UGT8: variants seen among roughly 807,000 people sequenced by gnomAD.
UGT8 encodes 2-hydroxyacylsphingosine 1-beta-galactosyltransferase.
In UGT8, 12 loss-of-function variants were observed where a neutral mutation model predicts 40.5. The observed-to-expected ratio is 0.30, with a 90% CI of 0.19 to 0.48. The LOEUF is 0.48. Among genes scored for constraint, UGT8 ranks in the 20% least tolerant of loss-of-function variants. The probability of loss-of-function intolerance (pLI) is 0.99; values close to 1 mark genes in which losing one functional copy is unlikely to be tolerated. For synonymous variants in UGT8, 224 were observed against 240.4 expected, an observed-to-expected ratio of 0.93 and a Z score of 0.63; for missense variants, 513 against 648.7, an observed-to-expected ratio of 0.79 and a Z score of 2.27.
At chr4:114,616,455 A>G (rs1251971124) in intron 1 of UGT8, among the ~76,000 whole-genome samples, 2 of 152,262 alleles carry the variant, frequency 1.3e-5, no homozygotes, top group Non-Finnish European at 2.9e-5. Flanking sequence ...GGAAAAGTGC[A>G]GTATTAGGGT....
chr4:114,622,710 G>A, intron 1 of UGT8, 169 bp from the exon 2 acceptor site: 1 of 576,534 alleles, frequency 1.7e-6, no homozygotes, highest in Non-Finnish European at 2.9e-6. Flanking sequence ...ATTTTTTCAT[G>A]TGTTTTTTGG....
intron 2 of UGT8, among the ~76,000 whole-genome samples, chr4:114,645,225 C>T (rs1733495713): frequency 6.6e-6 from 1 of 152,158 alleles, no homozygotes; most frequent in African/African-American, 2.4e-5. Flanking sequence ...AGTTTCACTA[C>T]CAAGTTCTCT....
intron 2 of UGT8, among the ~76,000 whole-genome samples, chr4:114,647,283 A>G (rs750599639): frequency 3.3e-5 from 5 of 152,116 alleles, no homozygotes; most frequent in Non-Finnish European, 7.4e-5. Context: ...CAGTTAAATA[A>G]TAACAACCAA....
At chr4:114,620,520 A>G (rs1190552164) in intron 1 of UGT8, among the ~76,000 whole-genome samples, 2 of 152,190 alleles carry the variant, frequency 1.3e-5, no homozygotes, top group South Asian at 2.1e-4. Flanking sequence ...TTCTTTCTTC[A>G]CTGATCTTGT....
chr4:114,614,999 C>T (rs973635359), intron 1 of UGT8, among the ~76,000 whole-genome samples: 13 of 151,910 alleles, frequency 8.6e-5, no homozygotes, highest in African/African-American at 3.1e-4. Context: ...CTAATAGCCA[C>T]CATAAATAAC....
chr4:114,665,289 T>C (rs1264014982), intron 3 of UGT8: 2 of 665,630 alleles, frequency 3.0e-6, no homozygotes, highest in African/African-American at 3.9e-5. Flanking sequence ...TTAGGGATAT[T>C]GACTGCCATA....
intron 1 of UGT8, among the ~76,000 whole-genome samples, chr4:114,617,859 G>A (rs1279571098): frequency 6.6e-6 from 1 of 152,178 alleles, no homozygotes; most frequent in African/African-American, 2.4e-5. Context: ...CCAAAGGAAG[G>A]ATGAGAGTAA....
At chr4:114,638,672 T>C (rs1733031475) in intron 2 of UGT8, among the ~76,000 whole-genome samples, 1 of 152,256 alleles carries the variant, frequency 6.6e-6, no homozygotes, top group African/African-American at 2.4e-5. Context: ...GACTGACATT[T>C]TAGGTCATTC....
intron 2 of UGT8, among the ~76,000 whole-genome samples, chr4:114,629,947 A>T (rs1170570657): frequency 6.6e-6 from 1 of 152,208 alleles, no homozygotes; most frequent in African/African-American, 2.4e-5. Flanking sequence ...TTTTAAGGGA[A>T]ATATTTTTAA....
intron 5 of UGT8, among the ~76,000 whole-genome samples, chr4:114,669,866 G>T (rs1342624293): frequency 6.6e-6 from 1 of 152,168 alleles, no homozygotes; most frequent in East Asian, 1.9e-4. Flanking sequence ...ATGTAAAAAT[G>T]CCAGTGATTT....
intron 2 of UGT8, among the ~76,000 whole-genome samples, chr4:114,648,090 A>G (rs1231240708): frequency 3.3e-5 from 5 of 152,210 alleles, no homozygotes. Context: ...TCCTTTGCCT[A>G]GTTGACTTTT....
chr4:114,640,867 AAC>A (rs1733181413), intron 2 of UGT8, among the ~76,000 whole-genome samples: 1 of 152,214 alleles, frequency 6.6e-6, no homozygotes, highest in Admixed American at 6.5e-5. Context: ...TCCTTCTCAT[AAC>A]ACATGAGAAT....
chr4:114,648,308 G>A (rs1408157799), intron 2 of UGT8, among the ~76,000 whole-genome samples: 2 of 151,512 alleles, frequency 1.3e-5, no homozygotes, highest in African/African-American at 2.4e-5. Flanking sequence ...TAAATGCTGT[G>A]AGCATGAGCA....
intron 1 of UGT8, among the ~76,000 whole-genome samples, chr4:114,618,406 G>A (rs578099539): frequency 6.6e-5 from 10 of 152,236 alleles, no homozygotes; most frequent in East Asian, 1.9e-4. Context: ...CATCCTTGCC[G>A]GTTTTATAAG....
At chr4:114,661,910 T>C (rs1265479012) in intron 2 of UGT8, among the ~76,000 whole-genome samples, 4 of 152,234 alleles carry the variant, frequency 2.6e-5, no homozygotes, top group Admixed American at 1.3e-4. Context: ...TGTGTATTCA[T>C]ATGATTTTAC....
At chr4:114,672,631 CAGAG>C (rs538963977) in intron 5 of UGT8, among the ~76,000 whole-genome samples, 1 of 151,558 alleles carries the variant, frequency 6.6e-6, no homozygotes. Context: ...CGTATGGACA[CAGAG>C]AGGGGGAAGA....
intron 2 of UGT8, among the ~76,000 whole-genome samples, chr4:114,657,672 C>T (rs1734269289): frequency 1.3e-5 from 2 of 151,694 alleles, no homozygotes; most frequent in African/African-American, 4.8e-5. Context: ...GAGAAAATAT[C>T]TTGGTGCAGA....
At chr4:114,641,514 T>C (rs940225443) in intron 2 of UGT8, among the ~76,000 whole-genome samples, 4 of 152,166 alleles carry the variant, frequency 2.6e-5, no homozygotes, top group Non-Finnish European at 5.9e-5. Flanking sequence ...TTTAAAAAAC[T>C]GTGGCGTCTG....
intron 2 of UGT8, among the ~76,000 whole-genome samples, chr4:114,648,703 T>A (rs1284300011): frequency 6.6e-6 from 1 of 152,166 alleles, no homozygotes; most frequent in Non-Finnish European, 1.5e-5. Flanking sequence ...AGTTGCGAAA[T>A]TGGTTAAGAT....
Sources: allele counts gnomAD v4.1 joint callset (sites outside exome capture counted in the v4.1 genomes callset), GRCh38; gene constraint gnomAD v4.1.1; transcripts MANE v1.5; gene names NCBI Gene and HGNC (gene_info 2026-07-23, HGNC 2026-07-21).